The following WIZ variants were observed in gnomAD, a reference collection of about 807,000 sequenced individuals.
WIZ encodes the protein protein Wiz.
A neutral mutation model predicts 140.2 loss-of-function variants in WIZ; 25 were observed. The ratio of observed to expected loss-of-function variants is 0.18; its 90% CI spans 0.13 to 0.25. WIZ has a LOEUF of 0.25. Among genes scored for constraint, WIZ ranks in the 10% least tolerant of loss-of-function variants. The pLI is 1.00. For missense variants in WIZ, 2,231 were observed against 2,632.6 expected (o/e 0.85, Z 3.34); for synonymous variants, 1,125 against 1,154.3 (o/e 0.97, Z 0.51).
rs1342103041 is a variant in WIZ, at chr19:15,424,366, C to T, written c.5327G>A (p.Arg1776Gln). The part of the protein sequence containing the change: ...QRQNINKFER[R>Q]QARPPDASAA... ...GGAGGCATCTGGAGGGCGGGCTTGT[C>T]GGCGTTCAAATTCTAAGGTGGAGAG... Residue 1776 changes from arginine to glutamine, a missense_variant, in exon 12 of 13, where the codon CGA becomes CAA. Arg to Gln is a conservative substitution (Grantham distance 43). Coordinates refer to ENST00000673675, the MANE Select transcript of WIZ (RefSeq NM_001371589.1). The surrounding 1 kb of genome is among the most constrained non-coding windows in gnomAD (Gnocchi z 9.7). 5.0e-6 allele frequency: 8 copies of T among 1,600,596 alleles called. No individual in the cohort carries two copies. Among genetic ancestry groups the T allele is most frequent in the South Asian group, 1.1e-5 (1 of 89,992 alleles).
At chr19:15,432,525 CGGCGGCGGCGGGGGTGGG>C (rs1000062281) in intron 5 of WIZ, 12 of 251,138 alleles carry the variant, frequency 4.8e-5, no homozygotes, top group Non-Finnish European at 6.9e-5. Context: ...GTGGTGGTGG[CGGCGGCGGCGGGGGTGGG>C]GGCGGCGGCG....
chr19:15,430,221 C>G (rs1969144256), intron 6 of WIZ, 132 bp from the exon 7 acceptor site: 1 of 1,296,210 alleles, frequency 7.7e-7, no homozygotes, highest in African/African-American at 1.5e-5. Flanking sequence ...GCCCCCCAAA[C>G]CTCACAATGA....
chr19:15,424,768 C>T lies in WIZ; in HGVS notation c.5159G>A (p.Gly1720Glu). The T allele has an allele frequency of 1.3e-6, 2 of 1,581,916 alleles. No individual in the cohort carries two copies. Among genetic ancestry groups the T allele is most frequent in the Non-Finnish European group, 8.6e-7 (1 of 1,166,264 alleles). ...CACGGCCAGGCCCCCGGGTGCCAGC[C>T]CCAGGGACGGCCGCTTGTCACTGTC... ...GRDSDKRPSL[G>E]LAPGGLAVVG... The change falls in exon 11 of 13, where the codon GGG becomes GAG. Residue 1720 changes from glycine (G) to glutamate (E), a missense_variant. By Grantham distance (98) the Gly-to-Glu change is moderately conservative. Coordinates refer to ENST00000673675, the MANE Select transcript of WIZ (RefSeq NM_001371589.1). This position sits in a 1 kb window ranked among gnomAD's most constrained non-coding sequence, Gnocchi z 9.7.
At position 15,427,656 on chromosome 19, in the gene WIZ, G is replaced by A; in HGVS notation, c.3815-123C>T. 9.0e-7 allele frequency: 1 copy of A among 1,107,348 alleles called. No homozygotes were observed. Among genetic ancestry groups the A allele is most frequent in the East Asian group, 2.6e-5 (1 of 38,660 alleles). The allele number at this position is 1,107,348 out of a possible 1,614,324, so 68.6% of individuals were successfully genotyped here. On this transcript the variant is annotated intron_variant, in intron 8 of 12. Coordinates refer to ENST00000673675, the MANE Select transcript of WIZ (RefSeq NM_001371589.1). The surrounding 1 kb of genome is among the most constrained non-coding windows in gnomAD (Gnocchi z 6.4). The stretch of plus-strand genomic sequence containing the variant: ...ACGCCCACAGGTTAGGGTGGTGAGG[G>A]CAGGTGCAGGTAAGGGAGTGGAGGA...
chr19:15,424,752 GC>G lies in WIZ; in HGVS notation c.5174del (p.Gly1725AlafsTer36). The G allele has an allele frequency of 2.5e-6, 4 of 1,570,318 alleles. No individual in the cohort carries two copies. The highest frequency in any genetic ancestry group is 1.8e-5 in the Admixed American group (1 of 55,362). ...KRPSLGLAPG[G>X]LAVVGRSAGG... is the part of the protein sequence containing the mutation. ...CGGCACTGCGGCCGACCACGGCCAG[GC>G]CCCCGGGTGCCAGCCCCAGGGACGG... On this transcript the variant is annotated frameshift_variant, in exon 11 of 13. Transcript: ENST00000673675. LOFTEE classifies it high-confidence loss of function. This position sits in a 1 kb window ranked among gnomAD's most constrained non-coding sequence, Gnocchi z 9.7.
chr19:15,432,069 G>C (rs186966000), intron 5 of WIZ, among the ~76,000 whole-genome samples: 2 of 152,178 alleles, frequency 1.3e-5, no homozygotes, highest in Non-Finnish European at 2.9e-5. Flanking sequence ...TAGGCGCTGA[G>C]GACTGGGGCA....
At chr19:15,441,748 G>A (rs377420972) in intron 3 of WIZ, among the ~76,000 whole-genome samples, 4 of 152,152 alleles carry the variant, frequency 2.6e-5, no homozygotes, top group Non-Finnish European at 4.4e-5. Flanking sequence ...ACTGACATGC[G>A]ATACTAAAAG....
chr19:15,435,925 C>G (rs1335806363), intron 5 of WIZ, among the ~76,000 whole-genome samples: 1 of 152,098 alleles, frequency 6.6e-6, no homozygotes, highest in East Asian at 1.9e-4. Context: ...GAGTTTGAGA[C>G]CAGCCTGGCC....
Position 15,442,559 on chromosome 19 carries a change from CCT to C in WIZ, c.278+115_278+116del. Reference sequence around the variant, plus strand: ...TGCCGGGAGCTGACTCCTCCTCCTGCCTGGCCTCCTGATTCCCTCCTGTCCCC... The same window carrying C: ...TGCCGGGAGCTGACTCCTCCTCCTGCGGCCTCCTGATTCCCTCCTGTCCCC... On this transcript the variant is annotated intron_variant, in intron 3 of 12. Coordinates refer to ENST00000673675, the MANE Select transcript of WIZ (RefSeq NM_001371589.1). This position sits in a 1 kb window ranked among gnomAD's most constrained non-coding sequence, Gnocchi z 5.5. The C allele has an allele frequency of 1.2e-6, 1 of 808,886 alleles. No homozygotes were observed. Among genetic ancestry groups the C allele is most frequent in the Middle Eastern group, 4.1e-4 (1 of 2,414 alleles). 50.1% of individuals were successfully genotyped at this position (808,886 alleles called of 1,614,324 possible).
At position 15,422,936 on chromosome 19, in the gene WIZ, C is replaced by T. The variant is rs1318142239; in HGVS notation, c.*140G>A. The T allele has an allele frequency of 7.7e-7, 1 of 1,306,650 alleles. No homozygotes were observed. The highest frequency in any genetic ancestry group is 1.0e-6 in the Non-Finnish European group (1 of 979,734). 80.9% of individuals were successfully genotyped at this position (1,306,650 alleles called of 1,614,324 possible). On this transcript the variant is annotated 3_prime_UTR_variant, in exon 13 of 13. Coordinates refer to ENST00000673675, the MANE Select transcript of WIZ (RefSeq NM_001371589.1). ...CTCCCGGCGCCCTGGCTGTAGTGTG[C>T]CCGGCCCCCAAGGGGCGCCGGTTTG...
In WIZ at chr19:15,429,726, T is replaced by C. The variant is rs1305543678; in HGVS notation, c.3275A>G (p.Lys1092Arg). The C allele has an allele frequency of 1.2e-5, 17 of 1,461,920 alleles. No homozygotes were observed. Among genetic ancestry groups the C allele is most frequent in the East Asian group, 5.0e-5 (2 of 39,998 alleles). The allele number at this position is 1,461,920 out of a possible 1,614,324, so 90.6% of individuals were successfully genotyped here. A position where few individuals can be genotyped will look rare whatever the true frequency, so the allele number is the denominator to read the frequency against. The change falls in exon 7 of 13, where the codon AAA (lysine) becomes AGA (arginine). Residue 1092 changes from lysine (K) to arginine (R), a missense_variant. This residue lies in a region of WIZ where 163 missense variants were observed against 166.8 expected (regional missense o/e 0.98). Transcript: ENST00000673675. The part of the protein sequence containing the change: ...LGHPPSSPLL[K>R]KTPLALAGSP... ...GCCCGCCAGGGCCAGTGGTGTCTTT[T>C]TGAGGAGTGGAGAGCTGGGCGGGTG... is the stretch of plus-strand genomic sequence containing the variant.
At chr19:15,432,323 T>TG in intron 5 of WIZ, 1 of 552,910 alleles carries the variant, frequency 1.8e-6, no homozygotes, top group African/African-American at 2.1e-5. Context: ...CTAAAGGGCC[T>TG]GGGGGAGGGG....
chr19:15,422,941 C>A lies in WIZ; in HGVS notation c.*135G>T. Reference sequence around the variant, plus strand: ...GGCGCCCTGGCTGTAGTGTGCCCGGCCCCCAAGGGGCGCCGGTTTGAGGTT... The same window carrying A: ...GGCGCCCTGGCTGTAGTGTGCCCGGACCCCAAGGGGCGCCGGTTTGAGGTT... On this transcript the variant is annotated 3_prime_UTR_variant, in exon 13 of 13. Transcript: ENST00000673675. The A allele has an allele frequency of 4.4e-6, 6 of 1,348,980 alleles. No homozygotes were observed. The highest frequency in any genetic ancestry group is 2.7e-5 in the Admixed American group (1 of 36,440). 83.6% of individuals were successfully genotyped at this position (1,348,980 alleles called of 1,614,324 possible). A position where few individuals can be genotyped will look rare whatever the true frequency, so the allele number is the denominator to read the frequency against.
Position 15,426,545 on chromosome 19 carries a change from AAC to A in WIZ, c.4366+435_4366+436del, listed in dbSNP as rs1249714754. 2.0e-5 allele frequency among the ~76,000 whole-genome samples: 3 copies of A among 152,228 alleles called. No individual in the cohort carries two copies. In the East Asian group the frequency reaches 5.8e-4, roughly 29 times the overall value. The stretch of plus-strand genomic sequence containing the variant: ...GTCACATAAAGCTAGACTGTGGAGG[AAC>A]AGAGATCTTAACTCACACTTGACTC... On this transcript the variant is annotated intron_variant, in intron 9 of 12. Transcript: ENST00000673675.
rs1320418403 is a variant in WIZ at position 15,440,678 on chromosome 19, A to G, written c.316T>C (p.Ser106Pro). 4 of 1,514,080 alleles carry G rather than the reference A, an allele frequency of 2.6e-6. No homozygotes were observed. The highest frequency in any genetic ancestry group is 3.5e-6 in the Non-Finnish European group (4 of 1,132,704). 93.8% of individuals were successfully genotyped at this position (1,514,080 alleles called of 1,614,324 possible). A position where few individuals can be genotyped will look rare whatever the true frequency, so the allele number is the denominator to read the frequency against. Residue 106 changes from serine to proline, a missense_variant, in exon 4 of 13, where the codon TCC (serine) becomes CCC (proline). By Grantham distance (74) the Ser-to-Pro change is moderately conservative. Coordinates refer to ENST00000673675, the MANE Select transcript of WIZ (RefSeq NM_001371589.1). This position sits in a 1 kb window ranked among gnomAD's most constrained non-coding sequence, Gnocchi z 6.2. ...TGGCCCAGGAGATGGGGTGGTGGGG[A>G]GCCCGGCCGGAAGTCCAGGCTGCCT... ...DGGSLDFRPG[S>P]PPPHLLGHFP...
Position 15,440,490 on chromosome 19 carries a change from C to G in WIZ, c.504G>C (p.Arg168=). Residue 168 remains arginine, a synonymous_variant, in exon 4 of 13, where the codon CGG becomes CGC. Transcript: ENST00000673675. This position sits in a 1 kb window ranked among gnomAD's most constrained non-coding sequence, Gnocchi z 6.2. Reference sequence around the variant, plus strand: ...GTTTCTCCAAAAGCCTTGGTTCCCCCCGGTGGTGTAAGAACCTTCTAGAGC... The same window carrying G: ...GTTTCTCCAAAAGCCTTGGTTCCCCGCGGTGGTGTAAGAACCTTCTAGAGC... ...LEGSRRFLHH[R]GEPRLLEKHA... The G allele has an allele frequency of 1.3e-6, 2 of 1,536,108 alleles. No individual in the cohort carries two copies. The highest frequency in any genetic ancestry group is 1.7e-6 in the Non-Finnish European group (2 of 1,146,886).
At chr19:15,426,789 G>A (rs1317049555) in intron 9 of WIZ, among the ~76,000 whole-genome samples, 193 bp downstream of exon 9, 4 of 152,218 alleles carry the variant, frequency 2.6e-5, no homozygotes, top group Non-Finnish European at 5.9e-5. Flanking sequence ...CTTCTCAAAT[G>A]AATAAAGGAC....
At position 15,426,994 on chromosome 19, in the gene WIZ, G is replaced by A; in HGVS notation, c.4354C>T (p.Pro1452Ser). The A allele has an allele frequency of 6.2e-7, 1 of 1,612,656 alleles. No individual in the cohort carries two copies. The highest frequency in any genetic ancestry group is 8.5e-7 in the Non-Finnish European group (1 of 1,179,192). Reference sequence around the variant, plus strand: ...GGGTCACACTTACACAGGTTCAGGGGTGTCATGTCTTCCCGTGGTGCCCCC... The same window carrying A: ...GGGTCACACTTACACAGGTTCAGGGATGTCATGTCTTCCCGTGGTGCCCCC... ...PWGAPREDMT[P>S]LNLSSRAEPV... is the part of the protein sequence containing the mutation. Residue 1452 changes from proline (P) to serine (S), a missense_variant, in exon 9 of 13, where the codon CCC becomes TCC. Pro to Ser is a moderately conservative substitution (Grantham distance 74, BLOSUM62 -1). Coordinates refer to ENST00000673675, the MANE Select transcript of WIZ (RefSeq NM_001371589.1).
At chr19:15,431,303 C>T in intron 5 of WIZ, 121 bp from the exon 6 acceptor site, 2 of 1,263,050 alleles carry the variant, frequency 1.6e-6, no homozygotes, top group South Asian at 1.6e-5. Context: ...GCGACTCACC[C>T]CAGGAAAGCT....
Sources: allele counts gnomAD v4.1 joint callset (sites outside exome capture counted in the v4.1 genomes callset), GRCh38; gene constraint gnomAD v4.1.1; regional missense constraint gnomAD v4.1.1; non-coding constraint Gnocchi (gnomAD v3.1); transcripts MANE v1.5; gene names NCBI Gene and HGNC (gene_info 2026-07-23, HGNC 2026-07-21).